PCDH15: variants seen among roughly 807,000 people sequenced by gnomAD.
PCDH15 encodes the protein protocadherin-15.
In PCDH15, 129 loss-of-function variants were observed where a neutral mutation model predicts 178.5. The observed-to-expected ratio is 0.72, with a 90% CI of 0.63 to 0.84. The LOEUF (loss-of-function observed/expected upper bound fraction) is 0.84, where lower values mean the gene tolerates loss of function less well. Ranked by LOEUF, PCDH15 falls within the 40% of genes least tolerant of loss-of-function variation. PCDH15 has a pLI of 0.00. For synonymous variants in PCDH15, 800 were observed against 732.0 expected, an observed-to-expected ratio of 1.09 and a Z score of -1.50; for missense variants, 2,230 against 2,099.9, an observed-to-expected ratio of 1.06 and a Z score of -1.21.
At chr10:54,332,256 T>C (rs989935334) in intron 6 of PCDH15, among the ~76,000 whole-genome samples, 1 of 126,446 alleles carries the variant, frequency 7.9e-6, no homozygotes, top group Non-Finnish European at 1.7e-5. Flanking sequence ...ATATAATCTA[T>C]ATTATATATT....
chr10:54,697,619 G>C (rs1266516824), intron 1 of PCDH15, among the ~76,000 whole-genome samples: 3 of 53,432 alleles, frequency 5.6e-5, no homozygotes, highest in African/African-American at 1.9e-4. Context: ...CAGAGAGAGA[G>C]AGAGAAAAGG....
chr10:54,963,738 T>TTA (rs1230549058), intron 2 of PCDH15, among the ~76,000 whole-genome samples: 1 of 152,198 alleles, frequency 6.6e-6, no homozygotes, highest in Non-Finnish European at 1.5e-5. Flanking sequence ...ACAGACCACT[T>TTA]TATCTCTGTA....
rs1268531021 is a variant in PCDH15 at position 53,822,354 on chromosome 10, G to A, written c.4368-2124C>T. 4.4e-6 allele frequency: 7 copies of A among 1,579,580 alleles called. No individual in the cohort carries two copies. The highest frequency in any genetic ancestry group is 6.0e-6 in the Non-Finnish European group (7 of 1,161,482). On this transcript the variant is annotated intron_variant, in intron 32 of 37. Transcript: ENST00000644397. ...GGAAAGTGGAAAAAATGTAGGAGGA[G>A]GAAGAGGAAGAGGGATAGAAGGAGG... is the stretch of plus-strand genomic sequence containing the variant.
chr10:55,509,830 C>T (rs1317702532), intron 2 of PCDH15, among the ~76,000 whole-genome samples: 1 of 151,892 alleles, frequency 6.6e-6, no homozygotes, highest in Non-Finnish European at 1.5e-5. Context: ...TCTTAAGAAA[C>T]AACTGTGACT....
At chr10:54,158,575 G>T (rs902093769) in intron 13 of PCDH15, among the ~76,000 whole-genome samples, 3 of 152,114 alleles carry the variant, frequency 2.0e-5, no homozygotes, top group Non-Finnish European at 4.4e-5. Context: ...AATTTTGGCT[G>T]CAGTTTACTA....
intron 2 of PCDH15, among the ~76,000 whole-genome samples, chr10:55,041,808 A>T (rs1840868796): frequency 6.6e-6 from 1 of 152,162 alleles, no homozygotes; most frequent in African/African-American, 2.4e-5. Flanking sequence ...AGAAAACCAG[A>T]TTTTATCATT....
At chr10:54,679,129 G>T (rs959311532) in intron 1 of PCDH15, among the ~76,000 whole-genome samples, 6 of 145,164 alleles carry the variant, frequency 4.1e-5, no homozygotes, top group Admixed American at 1.4e-4. Context: ...GGCGGAGCTT[G>T]CAGTGAGCCG....
chr10:55,587,277 G>A (rs1228981981), intron 2 of PCDH15, among the ~76,000 whole-genome samples: 1 of 152,034 alleles, frequency 6.6e-6, no homozygotes, highest in Non-Finnish European at 1.5e-5. Flanking sequence ...TGTATGATTT[G>A]TCAAGCAAAT....
intron 2 of PCDH15, among the ~76,000 whole-genome samples, chr10:55,436,307 C>G (rs1839038672): frequency 6.6e-6 from 1 of 151,964 alleles, no homozygotes; most frequent in Admixed American, 6.6e-5. Context: ...AATAAACATA[C>G]AGAAACATAT....
intron 18 of PCDH15, among the ~76,000 whole-genome samples, chr10:54,047,622 A>C (rs76812255): frequency 0.033 from 4,980 of 151,790 alleles, 262 homozygotes; most frequent in African/African-American, 0.11. Flanking sequence ...CTTTATGTCC[A>C]TGTGTACCCA....
intron 2 of PCDH15, among the ~76,000 whole-genome samples, chr10:55,388,765 T>C (rs1837724161): frequency 6.6e-6 from 1 of 152,130 alleles, no homozygotes; most frequent in Non-Finnish European, 1.5e-5. Context: ...TTAATTTTTA[T>C]GGAATATCAA....
At chr10:55,305,594 C>A (rs1843401682) in intron 1 of PCDH15, among the ~76,000 whole-genome samples, 1 of 152,172 alleles carries the variant, frequency 6.6e-6, no homozygotes, top group Non-Finnish European at 1.5e-5. Flanking sequence ...TTCCTCAAGA[C>A]TTAACATAAT....
At chr10:54,542,586 T>C (rs1316665458) in intron 2 of PCDH15, among the ~76,000 whole-genome samples, 1 of 152,202 alleles carries the variant, frequency 6.6e-6, no homozygotes, top group African/African-American at 2.4e-5. Context: ...CTCAGAAATT[T>C]CTCTGCTACA....
intron 1 of PCDH15, among the ~76,000 whole-genome samples, chr10:54,697,076 G>A (rs1277588243): frequency 6.6e-6 from 1 of 152,016 alleles, no homozygotes; most frequent in Non-Finnish European, 1.5e-5. Context: ...AACCCAGCTA[G>A]TGCCAATTTT....
At chr10:54,762,808 A>T (rs1429878070) in intron 1 of PCDH15, among the ~76,000 whole-genome samples, 1 of 152,198 alleles carries the variant, frequency 6.6e-6, no homozygotes, top group Non-Finnish European at 1.5e-5. Flanking sequence ...TTATAATGAA[A>T]GAAATATTTC....
intron 6 of PCDH15, among the ~76,000 whole-genome samples, chr10:54,332,316 T>C (rs1487849208): frequency 1.0e-5 from 1 of 95,796 alleles, no homozygotes; most frequent in Admixed American, 1.3e-4. Flanking sequence ...ATATATAATA[T>C]AATATAATCT....
chr10:55,448,405 C>A (rs534489181), intron 2 of PCDH15, among the ~76,000 whole-genome samples: 2 of 151,988 alleles, frequency 1.3e-5, no homozygotes, highest in East Asian at 3.9e-4. Context: ...AATATTTGTT[C>A]TTCCATATCC....
chr10:54,017,058 T>C (rs180993681), intron 20 of PCDH15, among the ~76,000 whole-genome samples: 1 of 152,256 alleles, frequency 6.6e-6, no homozygotes, highest in Non-Finnish European at 1.5e-5. Flanking sequence ...AGTTTCACTT[T>C]TGTTGCCCGG....
chr10:55,140,229 C>T (rs1838309934), intron 2 of PCDH15, among the ~76,000 whole-genome samples: 1 of 151,754 alleles, frequency 6.6e-6, no homozygotes, highest in South Asian at 2.1e-4. Flanking sequence ...ATAAGGATGG[C>T]TTATTGCACT....
Sources: gnomAD v4.1 joint callset for allele counts (sites outside exome capture counted in the v4.1 genomes callset) on GRCh38, gnomAD v4.1.1 for gene constraint, MANE v1.5 for transcripts, NCBI Gene and HGNC (gene_info 2026-07-23, HGNC 2026-07-21) for gene names.